Variants in LMO7 observed in about 807,000 individuals in gnomAD.
LMO7 encodes LIM domain 7, also known as LIM domain only protein 7.
In LMO7, 120 loss-of-function variants were observed where a neutral mutation model predicts 206.5. That is an observed-to-expected ratio of 0.58 (90% CI 0.50 to 0.68). The LOEUF is 0.68. Ranked by LOEUF, LMO7 falls within the 30% of genes least tolerant of loss-of-function variation. LMO7 has a pLI of 0.00. For missense variants in LMO7, 1,959 were observed against 1,957.9 expected, an observed-to-expected ratio of 1.00 and a Z score of -0.01; for synonymous variants, 706 against 681.5, an observed-to-expected ratio of 1.04 and a Z score of -0.56.
At position 75,680,916 on chromosome 13, in the gene LMO7, C is replaced by T. The variant is rs1457738830; in HGVS notation, c.70-32266C>T. Among the ~76,000 whole-genome samples the T allele has an allele frequency of 2.6e-5, 4 of 152,138 alleles. No homozygotes were observed. In the East Asian group the frequency reaches 5.8e-4, roughly 22 times the overall value. ...TTTTGATTCGCATTTCGCTAATCAT[C>T]AGTGAGTTGAGCTTTTTTCCTATGT... On this transcript the variant is annotated intron_variant, in intron 1 of 30. Transcript: ENST00000377534.
chr13:75,663,208 A>G (rs1258344773), intron 1 of LMO7, among the ~76,000 whole-genome samples: 1 of 151,504 alleles, frequency 6.6e-6, no homozygotes, highest in Non-Finnish European at 1.5e-5. Flanking sequence ...ACTGTTTTTT[A>G]GACTTATTTT....
intron 4 of LMO7, among the ~76,000 whole-genome samples, chr13:75,791,039 T>C (rs189900372): frequency 3.0e-4 from 45 of 151,650 alleles, no homozygotes; most frequent in African/African-American, 9.5e-4. Flanking sequence ...TGCAGTGGCA[T>C]GATCTCGGCT....
At chr13:75,809,837 T>G (rs1272136972) in intron 11 of LMO7, among the ~76,000 whole-genome samples, 2 of 148,942 alleles carry the variant, frequency 1.3e-5, no homozygotes, top group Non-Finnish European at 3.0e-5. Flanking sequence ...CATTTTTTTT[T>G]TTTTTTTTTT....
At chr13:75,623,398 C>G in intron 2 of LMO7, 1 of 796,578 alleles carries the variant, frequency 1.3e-6, no homozygotes, top group Non-Finnish European at 2.2e-6. Flanking sequence ...GAGTCTTGCT[C>G]TGTTGCCCAG....
intron 1 of LMO7, among the ~76,000 whole-genome samples, chr13:75,701,012 A>G (rs1489596367): frequency 1.3e-5 from 2 of 152,296 alleles, no homozygotes; most frequent in East Asian, 3.9e-4. Flanking sequence ...CTATTTGTTC[A>G]TTCATCAGTT....
chr13:75,761,141 C>T, intron 4 of LMO7, 103 bp downstream of exon 4: 2 of 727,934 alleles, frequency 2.7e-6, no homozygotes, highest in Non-Finnish European at 4.4e-6. Context: ...CAGAAAAATT[C>T]TTCTGTTCTC....
Position 75,636,449 on chromosome 13 carries a change from C to G in LMO7, c.-209C>G. On this transcript the variant is annotated 5_prime_UTR_variant, in exon 1 of 31. Transcript: ENST00000377534. The stretch of plus-strand genomic sequence containing the variant: ...GTCGCTTTCAGGAGTTTAGAGAAAG[C>G]CAGGTCTTCACGTTCGTGTAGGTTC... The G allele has an allele frequency of 2.1e-5, 29 of 1,410,220 alleles. No homozygotes were observed. Among genetic ancestry groups the G allele is most frequent in the Non-Finnish European group, 2.7e-5 (29 of 1,087,144 alleles). 87.4% of individuals were successfully genotyped at this position (1,410,220 alleles called of 1,614,324 possible).
intron 4 of LMO7, among the ~76,000 whole-genome samples, chr13:75,792,408 A>C (rs1435376582): frequency 1.3e-5 from 2 of 152,206 alleles, no homozygotes; most frequent in Admixed American, 6.5e-5. Context: ...AGTGAGACCC[A>C]GATCTGACTC....
At chr13:75,760,543 A>AT in intron 3 of LMO7, 1 of 1,289,798 alleles carries the variant, frequency 7.8e-7, no homozygotes, top group Non-Finnish European at 9.8e-7. Flanking sequence ...AGCTGGAGTT[A>AT]TTTTTAAAGA....
intron 3 of LMO7, among the ~76,000 whole-genome samples, chr13:75,737,386 G>C (rs1034108631): frequency 2.6e-4 from 40 of 151,808 alleles, no homozygotes; most frequent in African/African-American, 9.4e-4. Context: ...GTTCCAAAAG[G>C]AACAAAGTAC....
At chr13:75,669,721 T>C (rs2139364153) in intron 1 of LMO7, among the ~76,000 whole-genome samples, 1 of 152,350 alleles carries the variant, frequency 6.6e-6, no homozygotes, top group Middle Eastern at 3.4e-3. Context: ...TGGGCTGGCA[T>C]GCATGCATTC....
chr13:75,858,790 A>G lies in LMO7; in HGVS notation c.*847A>G, dbSNP rs771401793. ...TTTTATCCAGTAGCTTTACTAAGGT[A>G]TAATTGATGTAATAAACTGCATATA... On this transcript the variant is annotated 3_prime_UTR_variant, in exon 31 of 31. Transcript: ENST00000377534. The G allele has an allele frequency of 1.3e-5, 2 of 152,454 alleles. No individual in the cohort carries two copies. Among genetic ancestry groups the G allele is most frequent in the African/African-American group, 2.4e-5 (1 of 41,444 alleles). The allele number at this position is 152,454 out of a possible 1,614,324, so 9.4% of individuals were successfully genotyped here. A position where few individuals can be genotyped will look rare whatever the true frequency, so the allele number is the denominator to read the frequency against.
At chr13:75,733,949 G>C (rs1188621034) in intron 3 of LMO7, among the ~76,000 whole-genome samples, 1 of 152,232 alleles carries the variant, frequency 6.6e-6, no homozygotes, top group Non-Finnish European at 1.5e-5. Flanking sequence ...CAGACTGCGA[G>C]ATGTGCACCA....
At chr13:75,713,335 T>C in intron 2 of LMO7, 83 bp downstream of exon 2, 2 of 902,904 alleles carry the variant, frequency 2.2e-6, no homozygotes, top group Non-Finnish European at 3.4e-6. Flanking sequence ...GCTCCTCCCA[T>C]GGCCACCGTA....
intron 1 of LMO7, among the ~76,000 whole-genome samples, chr13:75,708,602 A>T (rs760202918): frequency 2.8e-4 from 43 of 151,938 alleles, no homozygotes; most frequent in Non-Finnish European, 5.6e-4. Context: ...GATGAAGGAC[A>T]TGTTACAACG....
At chr13:75,768,947 GT>G (rs921587655) in intron 4 of LMO7, among the ~76,000 whole-genome samples, 5 of 151,780 alleles carry the variant, frequency 3.3e-5, no homozygotes, top group Admixed American at 1.3e-4. Flanking sequence ...TGAAATATTT[GT>G]TTTTTTACCT....
At chr13:75,838,397 T>C (rs1358826608) in intron 20 of LMO7, 12 of 1,448,088 alleles carry the variant, frequency 8.3e-6, no homozygotes, top group African/African-American at 1.4e-5. Flanking sequence ...TGGTAATGGG[T>C]CTTTGTGTGT....
chr13:75,713,070 A>G, intron 1 of LMO7, 112 bp from the exon 2 acceptor site: 1 of 617,002 alleles, frequency 1.6e-6, no homozygotes, highest in South Asian at 2.0e-5. Context: ...CAGTCTATAT[A>G]TGCAAATCCT....
At chr13:75,642,849 T>G (rs1043747424) in intron 1 of LMO7, among the ~76,000 whole-genome samples, 1 of 152,164 alleles carries the variant, frequency 6.6e-6, no homozygotes, top group Admixed American at 6.5e-5. Flanking sequence ...CTATTTTTTC[T>G]CAGATTATTA....
Sources: gnomAD v4.1 joint callset for allele counts (sites outside exome capture counted in the v4.1 genomes callset) on GRCh38, gnomAD v4.1.1 for gene constraint, MANE v1.5 for transcripts, NCBI Gene and HGNC (gene_info 2026-07-23, HGNC 2026-07-21) for gene names.